The following LARGE1 variants were observed in gnomAD, a reference collection of about 807,000 sequenced individuals.
LARGE1 encodes LARGE xylosyl- and glucuronyltransferase 1.
A neutral mutation model predicts 87.6 loss-of-function variants in LARGE1; 43 were observed. The ratio of observed to expected loss-of-function variants is 0.49; its 90% CI spans 0.38 to 0.63. The LOEUF (loss-of-function observed/expected upper bound fraction) is 0.63. Among genes scored for constraint, LARGE1 ranks in the 30% least tolerant of loss-of-function variants. The pLI, the probability that LARGE1 is intolerant of heterozygous loss-of-function variation, is 0.00. For synonymous variants in LARGE1, 434 were observed against 394.6 expected (o/e 1.10, Z -1.18); for missense variants, 802 against 1,000.2 (o/e 0.80, Z 2.67).
intron 1 of LARGE1, among the ~76,000 whole-genome samples, chr22:33,866,320 A>T (rs753365734): frequency 5.3e-5 from 8 of 152,224 alleles, no homozygotes; most frequent in Non-Finnish European, 8.8e-5. Context: ...TGGGAGTCAC[A>T]ACCCACATGT....
At chr22:33,523,112 C>T (rs1489324243) in intron 6 of LARGE1, among the ~76,000 whole-genome samples, 3 of 152,058 alleles carry the variant, frequency 2.0e-5, no homozygotes, top group African/African-American at 7.2e-5. Flanking sequence ...TCAAGCAATT[C>T]TCCTGCCTCA....
At chr22:33,662,221 T>C (rs1033813216) in intron 2 of LARGE1, among the ~76,000 whole-genome samples, 5 of 152,108 alleles carry the variant, frequency 3.3e-5, no homozygotes, top group African/African-American at 7.2e-5. Flanking sequence ...TCAGGTAGAA[T>C]GGTCAGTTTG....
At chr22:33,365,990 T>G (rs1258349037) in intron 9 of LARGE1, among the ~76,000 whole-genome samples, 1 of 152,248 alleles carries the variant, frequency 6.6e-6, no homozygotes, top group East Asian at 1.9e-4. Flanking sequence ...TTCATTCATT[T>G]ATGGTATGCG....
At chr22:33,780,532 A>G (rs571770272) in intron 1 of LARGE1, among the ~76,000 whole-genome samples, 3 of 152,334 alleles carry the variant, frequency 2.0e-5, no homozygotes, top group Admixed American at 2.0e-4. Flanking sequence ...GGTGTGAAAG[A>G]AGGAGCATGA....
the LARGE1 span, among the ~76,000 whole-genome samples, chr22:33,081,822 G>C: frequency 6.6e-6 from 1 of 152,136 alleles, no homozygotes; most frequent in Non-Finnish European, 1.5e-5. Context: ...TTGTCTGCAA[G>C]CTTTCTCTGT....
intron 1 of LARGE1, among the ~76,000 whole-genome samples, chr22:33,908,910 G>C (rs1351462316): frequency 1.3e-5 from 2 of 152,166 alleles, no homozygotes; most frequent in African/African-American, 4.8e-5. Flanking sequence ...CCAGATGTCA[G>C]AGCTCCAAGC....
chr22:33,772,470 C>A (rs1439636249), intron 1 of LARGE1, among the ~76,000 whole-genome samples: 3 of 152,256 alleles, frequency 2.0e-5, no homozygotes, highest in South Asian at 2.1e-4. Flanking sequence ...TCCAGCCACA[C>A]TGACCCCTTC....
At chr22:33,393,544 C>T (rs1276191304) in intron 7 of LARGE1, among the ~76,000 whole-genome samples, 1 of 152,188 alleles carries the variant, frequency 6.6e-6, no homozygotes, top group Non-Finnish European at 1.5e-5. Context: ...TAAGCTGAAA[C>T]AACACGGATT....
intron 2 of LARGE1, chr22:33,725,879 G>C (rs2083256004): frequency 1.1e-5 from 1 of 94,826 alleles, no homozygotes; most frequent in African/African-American, 7.0e-5. Flanking sequence ...TTCAGCCAAG[G>C]GCAATTTGCC....
chr22:33,602,858 G>T (rs562933554), intron 5 of LARGE1, among the ~76,000 whole-genome samples: 2 of 152,240 alleles, frequency 1.3e-5, no homozygotes, highest in East Asian at 3.9e-4. Flanking sequence ...GCTCACAGGG[G>T]ACATGGCACT....
At chr22:33,515,796 C>T (rs776172187) in intron 6 of LARGE1, among the ~76,000 whole-genome samples, 37 of 152,164 alleles carry the variant, frequency 2.4e-4, no homozygotes, top group Non-Finnish European at 3.8e-4. Flanking sequence ...GAAGAAGGTG[C>T]TCCTGCCTGA....
intron 1 of LARGE1, among the ~76,000 whole-genome samples, chr22:33,777,933 G>A (rs1317106433): frequency 6.6e-6 from 1 of 152,220 alleles, no homozygotes; most frequent in Non-Finnish European, 1.5e-5. Flanking sequence ...ACACTATGCT[G>A]AGGAGTGGGG....
At chr22:33,815,547 G>A (rs1446337766) in intron 1 of LARGE1, among the ~76,000 whole-genome samples, 1 of 152,144 alleles carries the variant, frequency 6.6e-6, no homozygotes, top group Non-Finnish European at 1.5e-5. Flanking sequence ...GGCTTTTGAT[G>A]GTGGCTTCTA....
the LARGE1 span, among the ~76,000 whole-genome samples, chr22:33,077,782 T>C: frequency 3.3e-5 from 5 of 152,200 alleles, no homozygotes; most frequent in African/African-American, 1.2e-4. Context: ...ATTCAGTTAT[T>C]AAAATAATTC....
chr22:33,398,129 A>C (rs1349829509), intron 7 of LARGE1, among the ~76,000 whole-genome samples: 1 of 151,468 alleles, frequency 6.6e-6, no homozygotes, highest in East Asian at 1.9e-4. Context: ...ACCAACAGAG[A>C]CCCCCTTCTC....
chr22:33,129,838 C>T, the LARGE1 span, among the ~76,000 whole-genome samples: 1 of 152,172 alleles, frequency 6.6e-6, no homozygotes, highest in Admixed American at 6.5e-5. Flanking sequence ...ATGGGGCAAA[C>T]GGCCCCCGTG....
At chr22:33,434,224 G>A (rs1272918420) in intron 6 of LARGE1, among the ~76,000 whole-genome samples, 1 of 152,210 alleles carries the variant, frequency 6.6e-6, no homozygotes, top group Non-Finnish European at 1.5e-5. Context: ...ATGAGGATGG[G>A]AAGTGTCATT....
At chr22:33,539,443 A>C (rs1484449658) in intron 6 of LARGE1, among the ~76,000 whole-genome samples, 1 of 152,190 alleles carries the variant, frequency 6.6e-6, no homozygotes, top group Non-Finnish European at 1.5e-5. Flanking sequence ...GGGGTAAATA[A>C]CTTGCTCAAA....
At chr22:33,120,650 G>A in the LARGE1 span, among the ~76,000 whole-genome samples, 5 of 151,932 alleles carry the variant, frequency 3.3e-5, no homozygotes, top group Admixed American at 3.3e-4. Flanking sequence ...CAGAGTAGCT[G>A]AGATTACAGG....
Sources: gnomAD v4.1 joint callset for allele counts (sites outside exome capture counted in the v4.1 genomes callset) on GRCh38, gnomAD v4.1.1 for gene constraint, MANE v1.5 for transcripts, NCBI Gene and HGNC (gene_info 2026-07-23, HGNC 2026-07-21) for gene names.